CALR3: variants seen among roughly 807,000 people sequenced by gnomAD.
CALR3 encodes calreticulin 3, also known as calreticulin-3.
A neutral mutation model predicts 48.7 loss-of-function variants in CALR3; 39 were observed. The ratio of observed to expected loss-of-function variants is 0.80; its 90% CI spans 0.62 to 1.05. CALR3 has a LOEUF of 1.05. Among genes scored for constraint, CALR3 ranks in the 50% least tolerant of loss-of-function variants. The pLI is 0.00. For missense variants in CALR3, 449 were observed against 474.7 expected, an observed-to-expected ratio of 0.95 and a Z score of 0.50; for synonymous variants, 185 against 172.7, an observed-to-expected ratio of 1.07 and a Z score of -0.56.
intron 6 of CALR3, 40 bp from the exon 7 acceptor site, chr19:16,482,621 G>C (rs774246228): frequency 1.2e-6 from 2 of 1,614,060 alleles, no homozygotes; most frequent in Non-Finnish European, 1.7e-6. Flanking sequence ...TCAATGACAT[G>C]GGCAGCGGAG....
At chr19:16,488,043 G>A (rs2093391926) in intron 3 of CALR3, among the ~76,000 whole-genome samples, 1 of 152,108 alleles carries the variant, frequency 6.6e-6, no homozygotes, top group African/African-American at 2.4e-5. Context: ...TCAATCTCCT[G>A]ACCTCGTGAT....
intron 3 of CALR3, among the ~76,000 whole-genome samples, 166 bp from the exon 4 acceptor site, chr19:16,485,423 A>C (rs1161232851): frequency 1.3e-5 from 2 of 150,586 alleles, no homozygotes; most frequent in African/African-American, 2.4e-5. Context: ...GGGTTCAAGC[A>C]ATTCTCCTGC....
At chr19:16,479,626 G>A (rs1294920119) in intron 8 of CALR3, among the ~76,000 whole-genome samples, 1 of 151,760 alleles carries the variant, frequency 6.6e-6, no homozygotes, top group Non-Finnish European at 1.5e-5. Flanking sequence ...GGGCGTGGTG[G>A]TGTGTGGCTG....
chr19:16,490,266 C>A (rs1476413880), intron 3 of CALR3, 101 bp downstream of exon 3: 2 of 1,009,634 alleles, frequency 2.0e-6, no homozygotes, highest in African/African-American at 3.1e-5. Flanking sequence ...CTCAATACTA[C>A]TACCTTCACT....
At chr19:16,480,809 A>AT in intron 7 of CALR3, 103 bp from the exon 8 acceptor site, 1 of 901,774 alleles carries the variant, frequency 1.1e-6, no homozygotes, top group East Asian at 2.7e-5. Context: ...CTCAGGTGAC[A>AT]TTTTTTATTT....
At position 16,479,247 on chromosome 19, in the gene CALR3, G is replaced by A. The variant is rs749516012; in HGVS notation, c.1039C>T (p.Gln347Ter). Residue 347 changes from glutamine (Q) to a stop codon, truncating the protein, a stop_gained, in exon 9 of 9, where the codon CAG becomes TAG. Transcript: ENST00000269881. LOFTEE classifies it low-confidence loss of function (END_TRUNC). The stretch of plus-strand genomic sequence containing the variant: ...GCCTTCTTCATTTCCTCCTTGGCCT[G>A]TATGGCATCCATCTCCCTTTCTGGA... ...KGPEREMDAI[Q>*]AKEEMKKARE... 5 of 1,613,986 alleles carry A rather than the reference G, an allele frequency of 3.1e-6. No homozygotes were observed. In the Admixed American group the frequency reaches 6.7e-5, roughly 22 times the overall value.
intron 7 of CALR3, among the ~76,000 whole-genome samples, chr19:16,481,662 C>A (rs1293196006): frequency 6.6e-6 from 1 of 151,738 alleles, no homozygotes; most frequent in Non-Finnish European, 1.5e-5. Context: ...CCACACCCAG[C>A]TAATTTTTGT....
At position 16,481,049 on chromosome 19, in the gene CALR3, G is replaced by A. The variant is rs560221101; in HGVS notation, c.919-343C>T. The stretch of plus-strand genomic sequence containing the variant: ...CATGCCTGTAGTCCCAGCTACTTGG[G>A]AGGCTGAGGTGGGAGGATCGCTTGA... On this transcript the variant is annotated intron_variant, in intron 7 of 8. Transcript: ENST00000269881. 5.9e-5 allele frequency among the ~76,000 whole-genome samples: 9 copies of A among 152,190 alleles called. No homozygotes were observed. In the East Asian group the frequency reaches 1.5e-3, roughly 26 times the overall value.
intron 4 of CALR3, 146 bp from the exon 5 acceptor site, chr19:16,484,261 T>C: frequency 2.7e-6 from 2 of 733,166 alleles, no homozygotes; most frequent in Non-Finnish European, 2.2e-6. Flanking sequence ...CACTACAACC[T>C]CCACCTCCTG....
At position 16,482,671 on chromosome 19, in the gene CALR3, C is replaced by G. The variant is rs1400870958; in HGVS notation, c.786+7G>C. The G allele has an allele frequency of 1.9e-6, 3 of 1,614,046 alleles. No homozygotes were observed. The highest frequency in any genetic ancestry group is 4.5e-5 in the East Asian group (2 of 44,894). ...CATCCCTGGCATCATACAAAGAGGC[C>G]ACACACCTGGTACGGGGGCTTCTGG... is the stretch of plus-strand genomic sequence containing the variant. On this transcript the variant is annotated splice_region_variant and intron_variant, in intron 6 of 8. Transcript: ENST00000269881.
chr19:16,486,199 C>T (rs1366675679), intron 3 of CALR3, among the ~76,000 whole-genome samples: 1 of 151,454 alleles, frequency 6.6e-6, no homozygotes, highest in African/African-American at 2.4e-5. Context: ...CCCTGTAGTC[C>T]CAGGGACCTG....
chr19:16,484,119 C>T lies in CALR3; in HGVS notation c.493-4G>A, dbSNP rs2093385008. ...ACAGGTGTGTGAAGCCATCAACCTG[C>T]ATATTTTAGGGGGAAAAGCGTAACA... On this transcript the variant is annotated splice_polypyrimidine_tract_variant and splice_region_variant and intron_variant, in intron 4 of 8. Coordinates refer to ENST00000269881, the MANE Select transcript of CALR3 (RefSeq NM_145046.5). 1.2e-6 allele frequency: 2 copies of T among 1,611,576 alleles called. No individual in the cohort carries two copies. The highest frequency in any genetic ancestry group is 2.7e-5 in the African/African-American group (2 of 74,486).
intron 8 of CALR3, among the ~76,000 whole-genome samples, chr19:16,479,619 C>T (rs2093377414): frequency 6.7e-6 from 1 of 149,964 alleles, no homozygotes; most frequent in Non-Finnish European, 1.5e-5. Flanking sequence ...ATTAGCTGGG[C>T]GTGGTGGTGT....
At chr19:16,482,403 AAACAC>A (rs2122127960) in intron 7 of CALR3, 42 bp downstream of exon 7, 1 of 1,360,298 alleles carries the variant, frequency 7.4e-7, no homozygotes, top group Non-Finnish European at 1.0e-6. Flanking sequence ...AAACAAAACA[AAACAC>A]ACACACGCAA....
chr19:16,484,178 C>G, intron 4 of CALR3, 63 bp from the exon 5 acceptor site: 1 of 1,079,428 alleles, frequency 9.3e-7, no homozygotes, highest in Non-Finnish European at 1.3e-6. Flanking sequence ...CTTTTCTTTT[C>G]TTTTTTTTTT....
At chr19:16,485,298 G>A (rs370650846) in intron 3 of CALR3, 41 bp from the exon 4 acceptor site, 13 of 1,293,416 alleles carry the variant, frequency 1.0e-5, no homozygotes, top group Non-Finnish European at 1.3e-5. Flanking sequence ...TTTCCATAAT[G>A]CATCACCGTA....
chr19:16,491,060 C>T (rs1483179914), intron 2 of CALR3, among the ~76,000 whole-genome samples: 1 of 150,294 alleles, frequency 6.7e-6, no homozygotes. Flanking sequence ...GTGCCTGGCC[C>T]ATACAACTTT....
At chr19:16,494,034 G>A (rs964072285) in intron 2 of CALR3, among the ~76,000 whole-genome samples, 4 of 151,800 alleles carry the variant, frequency 2.6e-5, no homozygotes, top group Non-Finnish European at 5.9e-5. Context: ...ATGTGCAGGC[G>A]ACAAGATGTA....
intron 7 of CALR3, among the ~76,000 whole-genome samples, chr19:16,481,317 T>C (rs2093380309): frequency 6.6e-6 from 1 of 152,150 alleles, no homozygotes; most frequent in Non-Finnish European, 1.5e-5. Context: ...TGTATTTTGC[T>C]CAGTAGTGTA....
Sources: allele counts gnomAD v4.1 joint callset (sites outside exome capture counted in the v4.1 genomes callset), GRCh38; gene constraint gnomAD v4.1.1; transcripts MANE v1.5; gene names NCBI Gene and HGNC (gene_info 2026-07-23, HGNC 2026-07-21).